The following PSMD14 variants were observed in gnomAD, a reference collection of about 807,000 sequenced individuals.
The protein encoded by PSMD14 is proteasome 26S subunit, non-ATPase 14.
PSMD14 carries 7 observed loss-of-function variants against 41.2 expected under a neutral mutation model. The ratio of observed to expected loss-of-function variants is 0.17; its 90% confidence interval spans 0.10 to 0.32. PSMD14 has a LOEUF of 0.32. PSMD14 is among the 10% of genes least tolerant of loss of function. The probability of loss-of-function intolerance (pLI) is 1.00; values close to 1 mark genes in which losing one functional copy is unlikely to be tolerated. For synonymous variants in PSMD14, 114 were observed against 122.3 expected, an observed-to-expected ratio of 0.93 and a Z score of 0.45; for missense variants, 139 against 375.6, an observed-to-expected ratio of 0.37 and a Z score of 5.21.
intron 3 of PSMD14, among the ~76,000 whole-genome samples, chr2:161,363,733 C>G (rs974462131): frequency 5.3e-5 from 8 of 152,210 alleles, no homozygotes; most frequent in Non-Finnish European, 1.2e-4. Context: ...GTCCCCTTCA[C>G]AGGGCATTCG....
chr2:161,334,914 C>A (rs899673632), intron 3 of PSMD14, among the ~76,000 whole-genome samples: 2 of 152,204 alleles, frequency 1.3e-5, no homozygotes, highest in Non-Finnish European at 2.9e-5. Context: ...GAAACAGGCA[C>A]TGTGTCATCT....
intron 7 of PSMD14, 33 bp from the exon 8 acceptor site, chr2:161,385,431 A>T (rs1329046920): frequency 1.4e-6 from 2 of 1,435,832 alleles, no homozygotes; most frequent in South Asian, 2.5e-5. Flanking sequence ...TTGCTTTTTA[A>T]AAAAAAATTG....
chr2:161,317,248 A>G (rs1293355974), intron 2 of PSMD14, among the ~76,000 whole-genome samples: 1 of 152,126 alleles, frequency 6.6e-6, no homozygotes, highest in Non-Finnish European at 1.5e-5. Flanking sequence ...TATTAGGAGG[A>G]TGAGTTAAGA....
intron 10 of PSMD14, among the ~76,000 whole-genome samples, chr2:161,405,831 C>T (rs7578146): frequency 0.91 from 138,904 of 152,182 alleles, 63,435 homozygotes; most frequent in East Asian, 1. Flanking sequence ...TGTTATAGTG[C>T]GAACAAAGTT....
intron 10 of PSMD14, among the ~76,000 whole-genome samples, chr2:161,407,236 T>C (rs1683959538): frequency 6.6e-6 from 1 of 152,180 alleles, no homozygotes; most frequent in South Asian, 2.1e-4. Flanking sequence ...TGTTTCCATT[T>C]ATGTAAAACA....
chr2:161,331,881 CAT>C (rs962272047), intron 3 of PSMD14, among the ~76,000 whole-genome samples: 1 of 152,152 alleles, frequency 6.6e-6, no homozygotes, highest in African/African-American at 2.4e-5. Flanking sequence ...AATGATCCTA[CAT>C]GGGTAGGGAT....
intron 3 of PSMD14, among the ~76,000 whole-genome samples, chr2:161,325,107 A>T (rs995580412): frequency 6.6e-6 from 1 of 152,168 alleles, no homozygotes; most frequent in Non-Finnish European, 1.5e-5. Context: ...AAATCACATG[A>T]TTTCACAATG....
In PSMD14 at chr2:161,367,764, A is replaced by T; in HGVS notation, c.121-20A>T. 6.2e-7 allele frequency: 1 copy of T among 1,610,678 alleles called. No individual in the cohort carries two copies. Among genetic ancestry groups the T allele is most frequent in the Non-Finnish European group, 8.5e-7 (1 of 1,178,528 alleles). Reference sequence around the variant, plus strand: ...CCTCAACGAAATTTGCTTTGTGTCCACATCTCTTCCTTTCTACAGATGTTA... The same window carrying T: ...CCTCAACGAAATTTGCTTTGTGTCCTCATCTCTTCCTTTCTACAGATGTTA... On this transcript the variant is annotated intron_variant, in intron 4 of 11. Coordinates refer to ENST00000409682, the MANE Select transcript of PSMD14 (RefSeq NM_005805.6).
At chr2:161,356,411 T>C (rs1191871193) in intron 3 of PSMD14, among the ~76,000 whole-genome samples, 1 of 152,210 alleles carries the variant, frequency 6.6e-6, no homozygotes, top group Non-Finnish European at 1.5e-5. Flanking sequence ...GTTAGTTGTA[T>C]GTGTTTGAAT....
Position 161,371,423 on chromosome 2 carries a change from C to T in PSMD14, c.462+101C>T. ...GTTCAAAGCAGGATTCTTAATTACA[C>T]AGAAAGCTGCTGTCTGTTTACTTAA... On this transcript the variant is annotated intron_variant, in intron 7 of 11. Transcript: ENST00000409682. 3 of 1,207,538 alleles carry T rather than the reference C, an allele frequency of 2.5e-6. No homozygotes were observed. The South Asian group carries it at 5.8e-5, about 23-fold the overall frequency. 74.8% of individuals were successfully genotyped at this position (1,207,538 alleles called of 1,614,324 possible).
At chr2:161,382,097 T>A (rs1354738345) in intron 7 of PSMD14, 1 of 151,886 alleles carries the variant, frequency 6.6e-6, no homozygotes, top group Non-Finnish European at 1.5e-5. Flanking sequence ...ATTTGTCTGA[T>A]AACAGAAAGT....
chr2:161,354,171 A>G (rs146933917), intron 3 of PSMD14, among the ~76,000 whole-genome samples: 1 of 152,168 alleles, frequency 6.6e-6, no homozygotes, highest in African/African-American at 2.4e-5. Context: ...TGTTTTTGCC[A>G]ATCTTAAATG....
At chr2:161,334,611 T>C (rs1005785561) in intron 3 of PSMD14, among the ~76,000 whole-genome samples, 1 of 152,256 alleles carries the variant, frequency 6.6e-6, no homozygotes, top group African/African-American at 2.4e-5. Context: ...CTGTAGAGCA[T>C]TAAAGGAAGT....
At position 161,400,877 on chromosome 2, in the gene PSMD14, A is replaced by G. The variant is rs184704089; in HGVS notation, c.771+5674A>G. ...AAATATTGAAAAAAAAAAACAAGGT[A>G]TGTCACAAACGCATAAAATATAGGA... is the stretch of plus-strand genomic sequence containing the variant. On this transcript the variant is annotated intron_variant, in intron 10 of 11. Transcript: ENST00000409682. Among the ~76,000 whole-genome samples the G allele has an allele frequency of 3.0e-4, 45 of 152,278 alleles. 1 individual carries two copies. Among genetic ancestry groups the G allele is most frequent in the African/African-American group, 1.0e-3 (43 of 41,556 alleles).
intron 7 of PSMD14, among the ~76,000 whole-genome samples, chr2:161,376,814 T>A (rs900852395): frequency 1.3e-5 from 2 of 151,964 alleles, no homozygotes; most frequent in Admixed American, 1.3e-4. Context: ...TATCTTGGAA[T>A]TCAGTGCGTT....
chr2:161,374,192 G>C (rs1185987875), intron 7 of PSMD14, among the ~76,000 whole-genome samples: 2 of 151,898 alleles, frequency 1.3e-5, no homozygotes, highest in African/African-American at 4.8e-5. Context: ...GTCATTGTGA[G>C]GCCATTCCTT....
rs566152447 is a variant in PSMD14 at position 161,359,440 on chromosome 2, C to T, written c.49-8038C>T. 1.2e-3 allele frequency among the ~76,000 whole-genome samples: 178 copies of T among 152,128 alleles called. 1 individual carries two copies. In the South Asian group the frequency reaches 0.012, roughly 10 times the overall value. On this transcript the variant is annotated intron_variant, in intron 3 of 11. Transcript: ENST00000409682. ...TGTGATTTTTAAAAAGTCTCAAATG[C>T]TTTGTGTAACTTAGATTTCCCACAG...
intron 5 of PSMD14, 55 bp downstream of exon 5, chr2:161,367,958 T>C: frequency 6.4e-7 from 1 of 1,554,070 alleles, no homozygotes; most frequent in South Asian, 1.2e-5. Flanking sequence ...TTCATTTTTC[T>C]TTTCCTATGC....
At chr2:161,388,865 T>TA (rs1283120657) in intron 8 of PSMD14, among the ~76,000 whole-genome samples, 1 of 152,114 alleles carries the variant, frequency 6.6e-6, no homozygotes, top group Non-Finnish European at 1.5e-5. Context: ...GGTAAAATCA[T>TA]AAGTCAGTTG....
Sources: allele counts gnomAD v4.1 joint callset (sites outside exome capture counted in the v4.1 genomes callset), GRCh38; gene constraint gnomAD v4.1.1; transcripts MANE v1.5; gene names NCBI Gene and HGNC (gene_info 2026-07-23, HGNC 2026-07-21).